Variants in CCIN observed in about 807,000 individuals in gnomAD.
The protein encoded by CCIN is calicin.
In CCIN, 15 loss-of-function variants were observed where a neutral mutation model predicts 32.2. That is an observed-to-expected ratio of 0.47 (90% CI 0.31 to 0.72). The LOEUF (loss-of-function observed/expected upper bound fraction) is 0.72, where lower values mean the gene tolerates loss of function less well. Ranked by LOEUF, CCIN falls within the 30% of genes least tolerant of loss-of-function variation. The pLI is 0.05. For synonymous variants in CCIN, 302 were observed against 297.4 expected, an observed-to-expected ratio of 1.02 and a Z score of -0.16; for missense variants, 623 against 759.4, an observed-to-expected ratio of 0.82 and a Z score of 2.11.
rs145792420 is a variant in CCIN at position 36,171,029 on chromosome 9, C to A, written c.1527C>A (p.Asn509Lys). ...CCACCTCAGTGCCTGTCTTGCCCAACAGCTGCCCCTTGGATGTGTCCCATG... is the reference window on the plus strand; with the variant it reads ...CCACCTCAGTGCCTGTCTTGCCCAAAAGCTGCCCCTTGGATGTGTCCCATG... Reference protein sequence around the residue: ...KTTTSVPVLPNSCPLDVSHAI... With the variant: ...KTTTSVPVLPKSCPLDVSHAI... Residue 509 changes from asparagine to lysine, a missense_variant, in exon 1 of 1, where the codon AAC becomes AAA. Coordinates refer to ENST00000335119, the MANE Select transcript of CCIN (RefSeq NM_005893.3). The A allele has an allele frequency of 2.5e-4, 409 of 1,614,126 alleles. No individual in the cohort carries two copies. Among genetic ancestry groups the A allele is most frequent in the Non-Finnish European group, 2.9e-5 (34 of 1,180,054 alleles).
chr9:36,170,728 T>C lies in CCIN; in HGVS notation c.1226T>C (p.Met409Thr). ...GAAGTCTGGTGCCTGGCAGGAAAGA[T>C]GAGCATCCCCATGGATGGCACCGCC... ...RKEVWCLAGK[M>T]SIPMDGTAVI... The change falls in exon 1 of 1, where the codon ATG becomes ACG. Residue 409 changes from methionine to threonine, a missense_variant. By Grantham distance (81) the Met-to-Thr change is moderately conservative. Coordinates refer to ENST00000335119, the MANE Select transcript of CCIN (RefSeq NM_005893.3). 1.2e-6 allele frequency: 2 copies of C among 1,614,270 alleles called. No homozygotes were observed. The highest frequency in any genetic ancestry group is 1.7e-6 in the Non-Finnish European group (2 of 1,180,044).
chr9:36,170,890 T>C lies in CCIN; in HGVS notation c.1388T>C (p.Ile463Thr), dbSNP rs985286766. ...GTGGTCCAGTGTATCACCTTCCCCA[T>C]TGAGTTCAACCATCGGCCCCTGCTC... ...GDVVQCITFPIEFNHRPLLSF... is the reference protein window; with the variant it reads ...GDVVQCITFPTEFNHRPLLSF... The change falls in exon 1 of 1, where the codon ATT becomes ACT. Residue 463 changes from isoleucine to threonine, a missense_variant. Transcript: ENST00000335119. 31 of 1,614,094 alleles carry C rather than the reference T, an allele frequency of 1.9e-5. No homozygotes were observed. Among genetic ancestry groups the C allele is most frequent in the Middle Eastern group, 3.3e-4 (2 of 6,084 alleles).
Position 36,170,842 on chromosome 9 carries a change from G to T in CCIN, c.1340G>T (p.Cys447Phe). The T allele has an allele frequency of 6.2e-7, 1 of 1,614,270 alleles. No individual in the cohort carries two copies. Among genetic ancestry groups the T allele is most frequent in the Non-Finnish European group, 8.5e-7 (1 of 1,180,054 alleles). Residue 447 changes from cysteine (C) to phenylalanine (F), a missense_variant, in exon 1 of 1, where the codon TGC becomes TTC. Transcript: ENST00000335119. Reference protein sequence around the residue: ...GYISRVGVVDCFDTSTGDVVQ... With the variant: ...GYISRVGVVDFFDTSTGDVVQ... ...ATCTCCCGGGTCGGGGTAGTGGACT[G>T]CTTTGACACCAGCACTGGGGACGTG... is the stretch of plus-strand genomic sequence containing the variant.
rs183772458 is a variant in CCIN at position 36,169,408 on chromosome 9, C to A, written c.-95C>A. The A allele has an allele frequency of 5.7e-6, 7 of 1,230,474 alleles. No individual in the cohort carries two copies. The Admixed American group carries it at 1.2e-4, about 22-fold the overall frequency. The allele number at this position is 1,230,474 out of a possible 1,614,324, so 76.2% of individuals were successfully genotyped here. On this transcript the variant is annotated 5_prime_UTR_variant, in exon 1 of 1. Coordinates refer to ENST00000335119, the MANE Select transcript of CCIN (RefSeq NM_005893.3). ...CCACCCTCTCTTCTCCCTGGTCAAC[C>A]GCTCTGCAAACAACCATCAATCTGA...
At position 36,170,320 on chromosome 9, in the gene CCIN, G is replaced by A. The variant is rs140578907; in HGVS notation, c.818G>A (p.Arg273Gln). Residue 273 changes from arginine (R) to glutamine (Q), a missense_variant, in exon 1 of 1, where the codon CGG becomes CAG. Transcript: ENST00000335119. Reference sequence around the variant, plus strand: ...CCATGCAGCCTGCTGGTCTACCAGCGGAAAGGGGCCCTGCTTGATTCCGTG... The same window carrying A: ...CCATGCAGCCTGCTGGTCTACCAGCAGAAAGGGGCCCTGCTTGATTCCGTG... ...ERPCSLLVYQ[R>Q]KGALLDSVVI... 1,605 of 1,614,140 alleles carry A rather than the reference G, an allele frequency of 9.9e-4. 2 individuals carry two copies. The highest frequency in any genetic ancestry group is 1.3e-3 in the Non-Finnish European group (1,512 of 1,180,044).
Position 36,170,260 on chromosome 9 carries a change from T to C in CCIN, c.758T>C (p.Ile253Thr), listed in dbSNP as rs148517943. 371 of 1,614,156 alleles carry C rather than the reference T, an allele frequency of 2.3e-4. 1 individual carries two copies. The African/African-American group carries it at 4.4e-3, about 19-fold the overall frequency. Residue 253 changes from isoleucine (I) to threonine (T), a missense_variant, in exon 1 of 1, where the codon ATT becomes ACT. Ile to Thr is a moderately conservative substitution (Grantham distance 89). Transcript: ENST00000335119. ...AACACCTCATCCCATACAACCCTGA[T>C]TGAGAGTGTCCTGATGGACCGCAAG... ...MENTSSHTTL[I>T]ESVLMDRKQE... is the part of the protein sequence containing the mutation.
In CCIN at chr9:36,170,482, G is replaced by T; in HGVS notation, c.980G>T (p.Arg327Leu). Residue 327 changes from arginine to leucine, a missense_variant, in exon 1 of 1, where the codon CGC (arginine) becomes CTC (leucine). Transcript: ENST00000335119. ...AAALSATSAG[R>L]YIYISGGTTE... ...GCACTTAGTGCCACCTCTGCTGGTCGCTACATCTACATCTCTGGTGGCACC... is the reference window on the plus strand; with the variant it reads ...GCACTTAGTGCCACCTCTGCTGGTCTCTACATCTACATCTCTGGTGGCACC... 5.6e-6 allele frequency: 9 copies of T among 1,614,086 alleles called. No individual in the cohort carries two copies. Among genetic ancestry groups the T allele is most frequent in the Non-Finnish European group, 7.6e-6 (9 of 1,180,038 alleles).
chr9:36,171,264 A>T lies in CCIN; in HGVS notation c.1762A>T (p.Ile588Phe), dbSNP rs1826312300. ...GCTACCTTGCAAGATTCTTCAAAGGATTTAAACATTTTAAGTGGGAGAATA... is the reference window on the plus strand; with the variant it reads ...GCTACCTTGCAAGATTCTTCAAAGGTTTTAAACATTTTAAGTGGGAGAATA... ...AKLPCKILQR[I>F] Residue 588 changes from isoleucine (I) to phenylalanine (F), a missense_variant, in exon 1 of 1, where the codon ATT (isoleucine) becomes TTT (phenylalanine). By Grantham distance (21) the Ile-to-Phe change is conservative. Transcript: ENST00000335119. 1 of 1,611,398 alleles carries T rather than the reference A, an allele frequency of 6.2e-7. No individual in the cohort carries two copies. Among genetic ancestry groups the T allele is most frequent in the Non-Finnish European group, 8.5e-7 (1 of 1,179,540 alleles).
rs146542592 is a variant in CCIN at position 36,170,750 on chromosome 9, C to T, written c.1248C>T (p.Thr416=). 1.4e-4 allele frequency: 233 copies of T among 1,614,266 alleles called. 1 individual carries two copies. The East Asian group carries it at 4.5e-3, about 31-fold the overall frequency. Residue 416 remains threonine (T), a synonymous_variant, in exon 1 of 1, where the codon ACC becomes ACT. Transcript: ENST00000335119. ...AGKMSIPMDG[T]AVITKGDRHL... is the part of the protein sequence containing the mutation. ...AGATGAGCATCCCCATGGATGGCAC[C>T]GCCGTGATCACTAAAGGAGACAGGC...
chr9:36,170,384 T>G lies in CCIN; in HGVS notation c.882T>G (p.Asn294Lys). The G allele has an allele frequency of 6.2e-7, 1 of 1,614,172 alleles. No individual in the cohort carries two copies. Residue 294 changes from asparagine to lysine, a missense_variant, in exon 1 of 1, where the codon AAT becomes AAG. Physicochemically the swap from Asn to Lys is moderately conservative, Grantham distance 94. Coordinates refer to ENST00000335119, the MANE Select transcript of CCIN (RefSeq NM_005893.3). ...LGGQKAHGQF[N>K]DGVFAYIIQE... ...GCCAGAAGGCCCACGGCCAGTTCAA[T>G]GATGGAGTGTTTGCTTATATCATCC...
Position 36,171,218 on chromosome 9 carries a change from T to C in CCIN, c.1716T>C (p.Cys572=). 1.2e-6 allele frequency: 2 copies of C among 1,613,960 alleles called. No homozygotes were observed. Among genetic ancestry groups the C allele is most frequent in the Middle Eastern group, 3.3e-4 (2 of 6,060 alleles). The change falls in exon 1 of 1, where the codon TGT becomes TGC. Residue 572 remains cysteine, a synonymous_variant. Coordinates refer to ENST00000335119, the MANE Select transcript of CCIN (RefSeq NM_005893.3). ...CTCCTCCACCAGAGGCACTGGACTG[T>C]CCTGCCTGCTGTCTAGCCAAGCTAC... is the stretch of plus-strand genomic sequence containing the variant. ...TLAPPPEALD[C]PACCLAKLPC...
At position 36,170,137 on chromosome 9, in the gene CCIN, G is replaced by C. The variant is rs761530671; in HGVS notation, c.635G>C (p.Arg212Pro). 1 of 1,614,218 alleles carries C rather than the reference G, an allele frequency of 6.2e-7. No individual in the cohort carries two copies. The highest frequency in any genetic ancestry group is 1.1e-5 in the South Asian group (1 of 91,088). Residue 212 changes from arginine (R) to proline (P), a missense_variant, in exon 1 of 1, where the codon CGG (arginine) becomes CCG (proline). Transcript: ENST00000335119. Reference protein sequence around the residue: ...INWVYFRKEDREKYFKKFFNY... With the variant: ...INWVYFRKEDPEKYFKKFFNY... ...TGGGTGTACTTCCGGAAGGAGGATC[G>C]GGAGAAGTATTTCAAGAAGTTCTTC...
rs748060940 is a variant in CCIN at position 36,169,789 on chromosome 9, T to A, written c.287T>A (p.Ile96Asn). 3.7e-6 allele frequency: 6 copies of A among 1,614,064 alleles called. No individual in the cohort carries two copies. The highest frequency in any genetic ancestry group is 5.1e-6 in the Non-Finnish European group (6 of 1,180,048). ...TACTTCTATAGCGGCAAGGTGGTGA[T>A]CTCCGAGCAAAATGTGGAGGAGCTG... ...LDYFYSGKVV[I>N]SEQNVEELLR... is the part of the protein sequence containing the mutation. Residue 96 changes from isoleucine to asparagine, a missense_variant, in exon 1 of 1, where the codon ATC becomes AAC. By Grantham distance (149) the Ile-to-Asn change is moderately radical. Transcript: ENST00000335119.
In CCIN at chr9:36,170,650, G is replaced by C; in HGVS notation, c.1148G>C (p.Ser383Thr). Reference sequence around the variant, plus strand: ...GGGACAGTGTACTCAGTGGGCGGGAGCATTGCCCCAAGGCGGTATGTCTCC... The same window carrying C: ...GGGACAGTGTACTCAGTGGGCGGGACCATTGCCCCAAGGCGGTATGTCTCC... ...CGGTVYSVGG[S>T]IAPRRYVSNI... The change falls in exon 1 of 1, where the codon AGC becomes ACC. Residue 383 changes from serine (S) to threonine (T), a missense_variant. Coordinates refer to ENST00000335119, the MANE Select transcript of CCIN (RefSeq NM_005893.3). 1.2e-6 allele frequency: 2 copies of C among 1,614,210 alleles called. No homozygotes were observed. The highest frequency in any genetic ancestry group is 1.7e-6 in the Non-Finnish European group (2 of 1,180,024).
Position 36,169,435 on chromosome 9 carries a change from C to A in CCIN, c.-68C>A. ...CTCTGCAAACAACCATCAATCTGAT[C>A]CCACAGGCCTGAGAAAGTCTGCTCT... On this transcript the variant is annotated 5_prime_UTR_variant, in exon 1 of 1. Transcript: ENST00000335119. 2 of 1,481,832 alleles carry A rather than the reference C, an allele frequency of 1.3e-6. No homozygotes were observed. Among genetic ancestry groups the A allele is most frequent in the South Asian group, 1.2e-5 (1 of 85,676 alleles). 91.8% of individuals were successfully genotyped at this position (1,481,832 alleles called of 1,614,324 possible).
In CCIN at chr9:36,170,060, T is replaced by C; in HGVS notation, c.558T>C (p.Asp186=). The C allele has an allele frequency of 6.2e-7, 1 of 1,614,188 alleles. No homozygotes were observed. The highest frequency in any genetic ancestry group is 8.5e-7 in the Non-Finnish European group (1 of 1,180,026). The change falls in exon 1 of 1, where the codon GAT becomes GAC. Residue 186 remains aspartate (D), a synonymous_variant. Transcript: ENST00000335119. ...TTATCTTTGGCCGCCTGCTCCGTGA[T>C]GAAAACCTTCACGTGCTCAATGAAG... The part of the protein sequence containing the change: ...PPVIFGRLLR[D]ENLHVLNEDQ...
Position 36,170,271 on chromosome 9 carries a change from C to A in CCIN, c.769C>A (p.Leu257Met), listed in dbSNP as rs1826292445. The change falls in exon 1 of 1, where the codon CTG becomes ATG. Residue 257 changes from leucine to methionine, a missense_variant. Leu to Met is a conservative substitution (Grantham distance 15, BLOSUM62 2). Transcript: ENST00000335119. ...CCATACAACCCTGATTGAGAGTGTC[C>A]TGATGGACCGCAAGCAGGAGCGGCC... ...SSHTTLIESV[L>M]MDRKQERPCS... 6.2e-7 allele frequency: 1 copy of A among 1,614,030 alleles called. No individual in the cohort carries two copies. The highest frequency in any genetic ancestry group is 8.5e-7 in the Non-Finnish European group (1 of 1,180,018).
In CCIN at chr9:36,170,310, GTC is replaced by G. The variant is rs1166351326; in HGVS notation, c.810_811del (p.Tyr271ProfsTer8). 2 of 1,614,058 alleles carry G rather than the reference GTC, an allele frequency of 1.2e-6. No homozygotes were observed. Among genetic ancestry groups the G allele is most frequent in the Non-Finnish European group, 1.7e-6 (2 of 1,180,038 alleles). ...RKQERPCSLL[V>X]YQRKGALLDS... ...GCAGGAGCGGCCATGCAGCCTGCTG[GTC>G]TACCAGCGGAAAGGGGCCCTGCTTG... On this transcript the variant is annotated frameshift_variant, in exon 1 of 1. Transcript: ENST00000335119. LOFTEE classifies it high-confidence loss of function.
Position 36,169,738 on chromosome 9 carries a change from C to A in CCIN, c.236C>A (p.Pro79Gln). Residue 79 changes from proline to glutamine, a missense_variant, in exon 1 of 1, where the codon CCG (proline) becomes CAG (glutamine). Physicochemically the swap from Pro to Gln is moderately conservative, Grantham distance 76. Transcript: ENST00000335119. Reference sequence around the variant, plus strand: ...ACCATTGACACCAGTTACCTGAGCCCGGTCACAGTGGACCAGCTTCTGGAC... The same window carrying A: ...ACCATTGACACCAGTTACCTGAGCCAGGTCACAGTGGACCAGCTTCTGGAC... ...FITIDTSYLS[P>Q]VTVDQLLDYF... 1 of 1,614,144 alleles carries A rather than the reference C, an allele frequency of 6.2e-7. No individual in the cohort carries two copies. Among genetic ancestry groups the A allele is most frequent in the South Asian group, 1.1e-5 (1 of 91,078 alleles).
Sources: gnomAD v4.1 joint callset for allele counts on GRCh38, gnomAD v4.1.1 for gene constraint, MANE v1.5 for transcripts, NCBI Gene and HGNC (gene_info 2026-07-23, HGNC 2026-07-21) for gene names.